AKAP12: variants seen among roughly 807,000 people sequenced by gnomAD.
AKAP12 encodes the protein A-kinase anchor protein 12.
Under a neutral mutation model 79.9 loss-of-function variants are expected in AKAP12, and 32 were observed. That is an observed-to-expected ratio of 0.40 (90% CI 0.30 to 0.54). The LOEUF (loss-of-function observed/expected upper bound fraction) is 0.54, where lower values mean the gene tolerates loss of function less well. AKAP12 is among the 20% of genes least tolerant of loss of function. The pLI is 0.48. For synonymous variants in AKAP12, 808 were observed against 857.0 expected (o/e 0.94, Z 1.00); for missense variants, 2,074 against 2,177.0 (o/e 0.95, Z 0.94).
rs1338238953 is a variant in AKAP12 at position 151,349,406 on chromosome 6, G to A, written c.1015G>A (p.Glu339Lys). The A allele has an allele frequency of 6.2e-7, 1 of 1,613,430 alleles. No homozygotes were observed. The highest frequency in any genetic ancestry group is 8.5e-7 in the Non-Finnish European group (1 of 1,179,858). ...AGAGCCAGAAAAAGTAGACACAGAA[G>A]AAGACGGAAAGGCAGAGGTTGCCTC... ...EQEPEKVDTE[E>K]DGKAEVASEK... Residue 339 changes from glutamate to lysine, a missense_variant, in exon 4 of 5, where the codon GAA (glutamate) becomes AAA (lysine). Around this residue, in one of 3 missense-constraint regions of AKAP12, gnomAD observed 1,428 missense variants for 1,451.0 expected, o/e 0.98. Coordinates refer to ENST00000402676, the MANE Select transcript of AKAP12 (RefSeq NM_005100.4).
Position 151,351,877 on chromosome 6 carries a change from G to A in AKAP12, c.3486G>A (p.Ser1162=). Residue 1162 remains serine, a synonymous_variant, in exon 4 of 5, where the codon TCG becomes TCA. Coordinates refer to ENST00000402676, the MANE Select transcript of AKAP12 (RefSeq NM_005100.4). This position sits in a 1 kb window ranked among gnomAD's most constrained non-coding sequence, Gnocchi z 4.4. ...MVMEQAIPPD[S]VETPTDSETD... ...TGGAACAGGCTATCCCCCCTGACTC[G>A]GTGGAAACCCCTACAGACAGTGAGA... The A allele has an allele frequency of 1.2e-6, 2 of 1,614,038 alleles. No individual in the cohort carries two copies. Among genetic ancestry groups the A allele is most frequent in the Non-Finnish European group, 1.7e-6 (2 of 1,180,020 alleles).
intron 2 of AKAP12, among the ~76,000 whole-genome samples, chr6:151,287,140 C>T (rs993266984): frequency 1.3e-5 from 2 of 151,922 alleles, no homozygotes; most frequent in East Asian, 3.9e-4. Context: ...GGGGTTTCAC[C>T]GTGTTATCCA....
chr6:151,293,912 T>C (rs2114739923), intron 2 of AKAP12, among the ~76,000 whole-genome samples: 1 of 152,298 alleles, frequency 6.6e-6, no homozygotes, highest in East Asian at 1.9e-4. Flanking sequence ...ATGCATTTTC[T>C]TGGTTTAAGT....
intron 2 of AKAP12, among the ~76,000 whole-genome samples, chr6:151,297,159 G>T (rs956929379): frequency 1.1e-4 from 16 of 151,910 alleles, no homozygotes; most frequent in African/African-American, 3.4e-4. Flanking sequence ...ACATTGATGG[G>T]TGGGCTCACT....
At chr6:151,258,074 C>T (rs1003054792) in intron 2 of AKAP12, among the ~76,000 whole-genome samples, 4 of 152,204 alleles carry the variant, frequency 2.6e-5, no homozygotes, top group Admixed American at 2.0e-4. Context: ...CCTACAAACT[C>T]TCCCTTAACC....
intron 3 of AKAP12, among the ~76,000 whole-genome samples, chr6:151,347,501 GACTC>G (rs1778131462): frequency 6.6e-6 from 1 of 152,196 alleles, no homozygotes; most frequent in South Asian, 2.1e-4. Flanking sequence ...CTACCTCGTT[GACTC>G]ACTCTTAGAG....
At chr6:151,244,646 A>G (rs1209862428) in intron 2 of AKAP12, among the ~76,000 whole-genome samples, 12 of 152,240 alleles carry the variant, frequency 7.9e-5, no homozygotes, top group Admixed American at 6.5e-4. Flanking sequence ...GAGAACGAAG[A>G]TGGCCTCAAA....
At chr6:151,270,113 G>A (rs1042865415) in intron 2 of AKAP12, among the ~76,000 whole-genome samples, 1 of 152,180 alleles carries the variant, frequency 6.6e-6, no homozygotes, top group Admixed American at 6.6e-5. Flanking sequence ...CTGGAGTGCA[G>A]TGGCGAGATC....
intron 3 of AKAP12, among the ~76,000 whole-genome samples, chr6:151,329,638 G>C (rs1202023948): frequency 6.6e-6 from 1 of 152,124 alleles, no homozygotes; most frequent in Non-Finnish European, 1.5e-5. Flanking sequence ...AAAATACCTT[G>C]CACATGGGTG....
At chr6:151,313,199 G>A (rs1466854203) in intron 3 of AKAP12, among the ~76,000 whole-genome samples, 1 of 152,166 alleles carries the variant, frequency 6.6e-6, no homozygotes, top group Non-Finnish European at 1.5e-5. Flanking sequence ...TTAGCCAGGT[G>A]TTGCCTGGAA....
At chr6:151,327,613 G>A (rs1018520370) in intron 3 of AKAP12, among the ~76,000 whole-genome samples, 1 of 152,114 alleles carries the variant, frequency 6.6e-6, no homozygotes, top group African/African-American at 2.4e-5. Context: ...AAAGGAGGTG[G>A]TCTAAAGTTT....
At chr6:151,344,202 T>C (rs1204535941) in intron 3 of AKAP12, among the ~76,000 whole-genome samples, 1 of 152,224 alleles carries the variant, frequency 6.6e-6, no homozygotes, top group Non-Finnish European at 1.5e-5. Flanking sequence ...TGTTTAGTTC[T>C]CAGAGGTAAA....
At chr6:151,319,023 T>C (rs1395080542) in intron 3 of AKAP12, among the ~76,000 whole-genome samples, 1 of 152,214 alleles carries the variant, frequency 6.6e-6, no homozygotes, top group Non-Finnish European at 1.5e-5. Context: ...GTCTATTTCA[T>C]AGAGTTGCCT....
intron 3 of AKAP12, 58 bp downstream of exon 3, chr6:151,305,961 C>T (rs2294793): frequency 0.42 from 633,990 of 1,518,294 alleles, 137,146 homozygotes; most frequent in Non-Finnish European, 0.44. Flanking sequence ...ACTTTGGACT[C>T]AGCAGAAAAT....
intron 3 of AKAP12, chr6:151,324,732 C>A (rs1777481192): frequency 1.0e-6 from 1 of 985,244 alleles, no homozygotes; most frequent in East Asian, 1.1e-4. Flanking sequence ...GGGGACCTAA[C>A]GGACCCACCC....
chr6:151,287,846 A>T (rs911748278), intron 2 of AKAP12, among the ~76,000 whole-genome samples: 26 of 152,210 alleles, frequency 1.7e-4, no homozygotes, highest in Non-Finnish European at 1.5e-4. Flanking sequence ...TGGATAAAGG[A>T]AATGTGGCAC....
intron 2 of AKAP12, among the ~76,000 whole-genome samples, chr6:151,243,673 A>C (rs960880792): frequency 1.3e-5 from 2 of 152,102 alleles, no homozygotes; most frequent in African/African-American, 4.8e-5. Flanking sequence ...AATCTTTTAC[A>C]GTCTTTATAT....
intron 3 of AKAP12, among the ~76,000 whole-genome samples, chr6:151,340,077 C>A (rs1482871337): frequency 2.0e-5 from 3 of 152,012 alleles, no homozygotes; most frequent in Non-Finnish European, 4.4e-5. Flanking sequence ...AGGTGCCCAC[C>A]ACAATGCCCG....
chr6:151,319,534 A>ATC, intron 3 of AKAP12: 1 of 89,562 alleles, frequency 1.1e-5, no homozygotes, highest in Admixed American at 9.1e-5. Context: ...ATAGATATAT[A>ATC]TATATAGATA....
Sources: gnomAD v4.1 joint callset for allele counts (sites outside exome capture counted in the v4.1 genomes callset) on GRCh38, gnomAD v4.1.1 for gene constraint, gnomAD v4.1.1 regional missense constraint, Gnocchi (gnomAD v3.1) non-coding constraint, MANE v1.5 for transcripts, NCBI Gene and HGNC (gene_info 2026-07-23, HGNC 2026-07-21) for gene names.